KCNIP4: variants seen among roughly 807,000 people sequenced by gnomAD.
KCNIP4 encodes the protein potassium voltage-gated channel interacting protein 4.
In KCNIP4, 12 loss-of-function variants were observed where a neutral mutation model predicts 34.0. The ratio of observed to expected loss-of-function variants is 0.35; its 90% CI spans 0.23 to 0.57. KCNIP4 has a LOEUF of 0.57. KCNIP4 is among the 20% of genes least tolerant of loss of function. The probability of loss-of-function intolerance (pLI) is 0.83; values close to 1 mark genes in which losing one functional copy is unlikely to be tolerated. For missense variants in KCNIP4, 238 were observed against 311.7 expected (o/e 0.76, Z 1.78); for synonymous variants, 124 against 102.2 (o/e 1.21, Z -1.29).
chr4:21,481,089 A>T (rs1317610535), intron 1 of KCNIP4, among the ~76,000 whole-genome samples: 4 of 152,218 alleles, frequency 2.6e-5, no homozygotes, highest in Non-Finnish European at 5.9e-5. Context: ...GTTCCTAAAT[A>T]ACACAACGGT....
chr4:21,676,392 T>A (rs1250774077), intron 1 of KCNIP4, among the ~76,000 whole-genome samples: 1 of 152,372 alleles, frequency 6.6e-6, no homozygotes, highest in South Asian at 2.1e-4. Flanking sequence ...AAAAGACGAC[T>A]CTTCCCTTGG....
At chr4:21,421,386 G>T (rs1226613534) in intron 1 of KCNIP4, among the ~76,000 whole-genome samples, 3 of 152,156 alleles carry the variant, frequency 2.0e-5, no homozygotes, top group Admixed American at 2.0e-4. Context: ...TCCATGGATG[G>T]ATAAATGGAT....
intron 1 of KCNIP4, among the ~76,000 whole-genome samples, chr4:21,583,546 T>C (rs1741394337): frequency 6.6e-6 from 1 of 152,028 alleles, no homozygotes; most frequent in Non-Finnish European, 1.5e-5. Context: ...CAGGATTATA[T>C]ACTCTGCCTT....
At chr4:21,173,677 C>A (rs1283645315) in intron 1 of KCNIP4, among the ~76,000 whole-genome samples, 1 of 152,136 alleles carries the variant, frequency 6.6e-6, no homozygotes, top group African/African-American at 2.4e-5. Flanking sequence ...TGGCAAGTAG[C>A]TGAAAACCCA....
chr4:21,543,627 C>CAAAT (rs1737886607), intron 1 of KCNIP4, among the ~76,000 whole-genome samples: 1 of 152,108 alleles, frequency 6.6e-6, no homozygotes, highest in African/African-American at 2.4e-5. Context: ...GCTGCTGGAA[C>CAAAT]TTTAAAATAT....
chr4:20,868,164 AC>A (rs1429923344), intron 2 of KCNIP4, among the ~76,000 whole-genome samples: 1 of 151,924 alleles, frequency 6.6e-6, no homozygotes, highest in East Asian at 1.9e-4. Context: ...AAACCAAATA[AC>A]CCCCTTTAAA....
chr4:20,742,154 G>A (rs969067288), intron 5 of KCNIP4, among the ~76,000 whole-genome samples: 1 of 152,128 alleles, frequency 6.6e-6, no homozygotes, highest in Admixed American at 6.5e-5. Flanking sequence ...AAGAGGAGCT[G>A]GTACCATTTC....
At chr4:21,219,199 GA>G (rs1757818610) in intron 1 of KCNIP4, among the ~76,000 whole-genome samples, 1 of 152,268 alleles carries the variant, frequency 6.6e-6, no homozygotes, top group Non-Finnish European at 1.5e-5. Flanking sequence ...ATGTATGGAA[GA>G]TCTCTGAAAC....
chr4:20,770,322 T>C (rs1403226408), intron 3 of KCNIP4, among the ~76,000 whole-genome samples: 1 of 152,216 alleles, frequency 6.6e-6, no homozygotes, highest in Non-Finnish European at 1.5e-5. Context: ...TTCAATATTT[T>C]TTATGAGTGC....
intron 1 of KCNIP4, among the ~76,000 whole-genome samples, chr4:21,181,816 G>A (rs1005487765): frequency 6.6e-6 from 1 of 151,942 alleles, no homozygotes; most frequent in African/African-American, 2.4e-5. Context: ...CATTCTCTGT[G>A]GGAACATTAT....
intron 3 of KCNIP4, among the ~76,000 whole-genome samples, chr4:20,848,046 C>A (rs939372821): frequency 1.5e-4 from 23 of 151,960 alleles, no homozygotes; most frequent in African/African-American, 5.1e-4. Context: ...TTCGGCTATG[C>A]TTAGGGTTCA....
chr4:21,602,519 C>T (rs1743268706), intron 1 of KCNIP4, among the ~76,000 whole-genome samples: 1 of 152,134 alleles, frequency 6.6e-6, no homozygotes, highest in South Asian at 2.1e-4. Context: ...ACTCAAGTCT[C>T]TCATTGTATG....
intron 3 of KCNIP4, among the ~76,000 whole-genome samples, chr4:20,803,128 CA>C (rs1423416147): frequency 8.0e-6 from 1 of 125,002 alleles, no homozygotes; most frequent in Non-Finnish European, 1.8e-5. Context: ...GAAATTACAA[CA>C]TACCAAAACC....
At chr4:21,350,376 C>G (rs1338316516) in intron 1 of KCNIP4, among the ~76,000 whole-genome samples, 3 of 152,032 alleles carry the variant, frequency 2.0e-5, no homozygotes. Context: ...GTAATTGAGA[C>G]CCCCACCAGT....
intron 1 of KCNIP4, among the ~76,000 whole-genome samples, chr4:21,006,570 T>G (rs900730999): frequency 1.3e-5 from 2 of 152,160 alleles, no homozygotes; most frequent in Non-Finnish European, 2.9e-5. Context: ...TTATATATGA[T>G]GTTGTTATAC....
At chr4:21,362,472 A>C (rs1442916669) in intron 1 of KCNIP4, among the ~76,000 whole-genome samples, 1 of 152,182 alleles carries the variant, frequency 6.6e-6, no homozygotes, top group East Asian at 1.9e-4. Flanking sequence ...GGAGTCTAAG[A>C]CATGTGATTT....
At chr4:21,605,087 A>T (rs148183312) in intron 1 of KCNIP4, among the ~76,000 whole-genome samples, 6 of 152,334 alleles carry the variant, frequency 3.9e-5, no homozygotes, top group South Asian at 2.1e-4. Context: ...ACTAAAATGC[A>T]AGTGTGGTCC....
chr4:21,814,195 C>A (rs894898894), intron 1 of KCNIP4, among the ~76,000 whole-genome samples: 6 of 152,036 alleles, frequency 3.9e-5, no homozygotes, highest in African/African-American at 1.4e-4. Context: ...ATCTAAGACC[C>A]TATGAAATAC....
intron 1 of KCNIP4, among the ~76,000 whole-genome samples, chr4:20,997,539 G>A (rs79060713): frequency 0.014 from 2,115 of 152,246 alleles, 42 homozygotes; most frequent in African/African-American, 0.043. Context: ...TCATTAACAC[G>A]AAGAAAGAAC....
Sources: allele counts gnomAD v4.1 joint callset (sites outside exome capture counted in the v4.1 genomes callset), GRCh38; gene constraint gnomAD v4.1.1; transcripts MANE v1.5; gene names NCBI Gene and HGNC (gene_info 2026-07-23, HGNC 2026-07-21).